Variants in DPP6 observed in about 807,000 individuals in gnomAD.
DPP6 encodes the protein A-type potassium channel modulatory protein DPP6.
Under a neutral mutation model 122.6 loss-of-function variants are expected in DPP6, and 69 were observed. The ratio of observed to expected loss-of-function variants is 0.56; its 90% confidence interval spans 0.46 to 0.69. The LOEUF is 0.69. Among genes scored for constraint, DPP6 ranks in the 30% least tolerant of loss-of-function variants. DPP6 has a pLI of 0.00. For missense variants in DPP6, 928 were observed against 1,116.9 expected (o/e 0.83, Z 2.41); for synonymous variants, 418 against 433.1 (o/e 0.97, Z 0.43).
chr7:154,602,750 CTTTT>C (rs199615219), intron 5 of DPP6, among the ~76,000 whole-genome samples: 3 of 90,898 alleles, frequency 3.3e-5, no homozygotes, highest in Non-Finnish European at 4.9e-5. Context: ...ATTCTTAATC[CTTTT>C]TTTTTTTTTT....
At position 154,236,771 on chromosome 7, in the gene DPP6, C is replaced by T. The variant is rs558861623; in HGVS notation, c.243+183708C>T. Among the ~76,000 whole-genome samples, 70 of 152,264 alleles carry T rather than the reference C, an allele frequency of 4.6e-4. 1 individual carries two copies. The highest frequency in any genetic ancestry group is 1.2e-3 in the African/African-American group (50 of 41,550). ...TGGGCCATATTAAATTGCTTTACAT[C>T]CCTAATAACTTTGCTTTCTATTGTT... On this transcript the variant is annotated intron_variant, in intron 1 of 25. Coordinates refer to ENST00000377770, the MANE Select transcript of DPP6 (RefSeq NM_130797.4).
At chr7:154,305,265 A>G in intron 1 of DPP6, 1 of 1,296,904 alleles carries the variant, frequency 7.7e-7, no homozygotes. Context: ...AAGCCCCACT[A>G]AGCAGCGGCA....
At chr7:154,064,654 C>T (rs1802556565) in intron 1 of DPP6, among the ~76,000 whole-genome samples, 1 of 152,158 alleles carries the variant, frequency 6.6e-6, no homozygotes, top group South Asian at 2.1e-4. Flanking sequence ...CTCAGATTTA[C>T]TTTTCTCTGT....
chr7:154,133,917 G>A (rs1428189119), intron 1 of DPP6, among the ~76,000 whole-genome samples: 2 of 151,354 alleles, frequency 1.3e-5, no homozygotes, highest in African/African-American at 4.9e-5. Flanking sequence ...CATGGCCTCT[G>A]CTAATGAGGT....
chr7:154,330,599 T>C (rs897059532), intron 1 of DPP6, among the ~76,000 whole-genome samples: 2 of 152,146 alleles, frequency 1.3e-5, no homozygotes, highest in Non-Finnish European at 2.9e-5. Flanking sequence ...GAGATGAACA[T>C]GAAGAGAAAG....
chr7:154,748,570 C>G (rs538668103), intron 8 of DPP6, among the ~76,000 whole-genome samples: 2 of 152,348 alleles, frequency 1.3e-5, no homozygotes, highest in South Asian at 2.1e-4. Context: ...AAAACCCCTG[C>G]GAGCCCTGCG....
the DPP6 span, among the ~76,000 whole-genome samples, chr7:153,798,206 T>C: frequency 6.6e-6 from 1 of 152,202 alleles, no homozygotes; most frequent in East Asian, 1.9e-4. Context: ...ACCTCGTCTA[T>C]ACCTAATTAC....
chr7:153,789,861 A>G, the DPP6 span, among the ~76,000 whole-genome samples: 2 of 152,204 alleles, frequency 1.3e-5, no homozygotes, highest in African/African-American at 2.4e-5. Context: ...TCATTTCTCT[A>G]TAACTTAGGG....
chr7:153,979,437 A>T (rs1038355785), intron 1 of DPP6, among the ~76,000 whole-genome samples: 1 of 152,224 alleles, frequency 6.6e-6, no homozygotes, highest in African/African-American at 2.4e-5. Flanking sequence ...CAGCTTAAGG[A>T]GTTTTTGGGC....
chr7:153,791,424 C>T, the DPP6 span, among the ~76,000 whole-genome samples: 526 of 91,556 alleles, frequency 5.7e-3, 7 homozygotes, highest in Middle Eastern at 0.02. Context: ...TCCTTCCTTT[C>T]TTTTTTTTTT....
At chr7:154,816,170 G>C (rs1179257402) in intron 16 of DPP6, among the ~76,000 whole-genome samples, 1 of 152,126 alleles carries the variant, frequency 6.6e-6, no homozygotes, top group Non-Finnish European at 1.5e-5. Context: ...GAAAATCGGA[G>C]GAATAACAGT....
intron 1 of DPP6, among the ~76,000 whole-genome samples, chr7:153,983,201 G>A (rs1240841075): frequency 1.3e-5 from 2 of 152,236 alleles, no homozygotes; most frequent in African/African-American, 4.8e-5. Context: ...TTATCTATAT[G>A]CCCCTGACTG....
the DPP6 span, among the ~76,000 whole-genome samples, chr7:153,843,278 G>GCACA: frequency 2.6e-3 from 390 of 147,684 alleles, 4 homozygotes; most frequent in African/African-American, 9.4e-3. Context: ...GCATGCGCGC[G>GCACA]CGCACACACA....
intron 1 of DPP6, among the ~76,000 whole-genome samples, chr7:154,318,914 A>G (rs532982263): frequency 6.6e-6 from 1 of 152,318 alleles, no homozygotes; most frequent in South Asian, 2.1e-4. Flanking sequence ...AGTGAGGATC[A>G]TTGATGTGGG....
At chr7:154,080,131 G>A (rs1446915724) in intron 1 of DPP6, among the ~76,000 whole-genome samples, 6 of 151,952 alleles carry the variant, frequency 3.9e-5, no homozygotes, top group Non-Finnish European at 7.4e-5. Context: ...ATAACACTTT[G>A]CATGGAGAAG....
intron 1 of DPP6, among the ~76,000 whole-genome samples, chr7:154,259,467 G>A (rs2150911053): frequency 6.6e-6 from 1 of 152,288 alleles, no homozygotes; most frequent in South Asian, 2.1e-4. Flanking sequence ...TGTTGCAAGA[G>A]GCAATTCCGG....
chr7:153,987,735 A>G (rs13241407), intron 1 of DPP6, among the ~76,000 whole-genome samples: 4,910 of 152,204 alleles, frequency 0.032, 121 homozygotes, highest in Non-Finnish European at 0.047. Context: ...GACTTTCTCC[A>G]TCTGTTTCCC....
At chr7:154,348,597 C>T (rs1390685642) in intron 1 of DPP6, among the ~76,000 whole-genome samples, 1 of 152,096 alleles carries the variant, frequency 6.6e-6, no homozygotes, top group Non-Finnish European at 1.5e-5. Flanking sequence ...AAGAGGCTTG[C>T]ACAGCATCTT....
intron 5 of DPP6, among the ~76,000 whole-genome samples, chr7:154,598,159 TG>T (rs1449795435): frequency 6.6e-6 from 1 of 152,206 alleles, no homozygotes; most frequent in African/African-American, 2.4e-5. Flanking sequence ...AACAATGAAA[TG>T]TTTATTTACC....
Sources: gnomAD v4.1 joint callset for allele counts (sites outside exome capture counted in the v4.1 genomes callset) on GRCh38, gnomAD v4.1.1 for gene constraint, MANE v1.5 for transcripts, NCBI Gene and HGNC (gene_info 2026-07-23, HGNC 2026-07-21) for gene names.